TEKT5: variants seen among roughly 807,000 people sequenced by gnomAD.
TEKT5 encodes tektin 5, also known as tektin-5.
TEKT5 carries 52 observed loss-of-function variants against 48.7 expected under a neutral mutation model. The observed-to-expected ratio is 1.07, with a 90% CI of 0.86 to 1.35. The LOEUF is 1.35. Among genes scored for constraint, TEKT5 ranks in the 40% most tolerant of loss-of-function variants. The pLI is 0.00. For missense variants in TEKT5, 831 were observed against 641.6 expected (o/e 1.30, Z -3.19); for synonymous variants, 318 against 267.6 (o/e 1.19, Z -1.84).
At chr16:10,631,272 A>AAGAG (rs557009066) in intron 6 of TEKT5, among the ~76,000 whole-genome samples, 33 of 128,856 alleles carry the variant, frequency 2.6e-4, no homozygotes, top group African/African-American at 7.9e-4. Flanking sequence ...AAAAAAAAAA[A>AAGAG]AGAGAGAGAG....
At chr16:10,666,499 C>T (rs1898459114) in intron 5 of TEKT5, among the ~76,000 whole-genome samples, 1 of 152,226 alleles carries the variant, frequency 6.6e-6, no homozygotes, top group Non-Finnish European at 1.5e-5. Context: ...CACCCCCTCA[C>T]CAAACTATAG....
chr16:10,635,909 C>G lies in TEKT5; in HGVS notation c.1096G>C (p.Glu366Gln). Residue 366 changes from glutamate to glutamine, a missense_variant, in exon 6 of 7, where the codon GAG (glutamate) becomes CAG (glutamine). Coordinates refer to ENST00000283025, the MANE Select transcript of TEKT5 (RefSeq NM_144674.2). ...LQTQLAKTLQ[E>Q]IFQAENTIML... ...ATGGTGTTCTCGGCCTGGAAGATCT[C>G]CTGCAGCGTCTGCGAGGGAACACAC... 6.2e-7 allele frequency: 1 copy of G among 1,613,892 alleles called. No homozygotes were observed.
chr16:10,668,367 A>G (rs1898494335), intron 5 of TEKT5, among the ~76,000 whole-genome samples: 1 of 152,172 alleles, frequency 6.6e-6, no homozygotes, highest in African/African-American at 2.4e-5. Context: ...CCTGGGATGC[A>G]GTGGTGTCTC....
At chr16:10,668,882 G>C (rs1007654604) in intron 5 of TEKT5, among the ~76,000 whole-genome samples, 2 of 152,116 alleles carry the variant, frequency 1.3e-5, no homozygotes. Context: ...TGAGGGAAGC[G>C]TGCTGTAATA....
intron 5 of TEKT5, among the ~76,000 whole-genome samples, chr16:10,648,994 G>C (rs1028208386): frequency 7.9e-5 from 12 of 152,272 alleles, no homozygotes; most frequent in African/African-American, 2.6e-4. Context: ...CTGTTGCCCA[G>C]GCTGGAGTGC....
At chr16:10,666,836 G>A (rs922871955) in intron 5 of TEKT5, among the ~76,000 whole-genome samples, 2 of 152,130 alleles carry the variant, frequency 1.3e-5, no homozygotes, top group Non-Finnish European at 2.9e-5. Context: ...TACTGATGCG[G>A]GTGTGTTTTC....
intron 6 of TEKT5, among the ~76,000 whole-genome samples, chr16:10,630,508 G>A (rs923302219): frequency 1.3e-5 from 2 of 152,198 alleles, no homozygotes; most frequent in Non-Finnish European, 2.9e-5. Context: ...CCCAGGAGAG[G>A]ACTTTGAGCA....
chr16:10,657,381 G>A (rs912819551), intron 5 of TEKT5, among the ~76,000 whole-genome samples: 1 of 151,972 alleles, frequency 6.6e-6, no homozygotes, highest in Admixed American at 6.6e-5. Flanking sequence ...ACCCGCCTTG[G>A]CCTTCCAAAG....
At chr16:10,690,264 G>T in intron 1 of TEKT5, 1 of 518,692 alleles carries the variant, frequency 1.9e-6, no homozygotes, top group Non-Finnish European at 3.4e-6. Flanking sequence ...AGAGAAAACA[G>T]GATAAAGTAG....
chr16:10,683,932 G>A (rs116394644), intron 3 of TEKT5, among the ~76,000 whole-genome samples: 1 of 152,162 alleles, frequency 6.6e-6, no homozygotes, highest in Non-Finnish European at 1.5e-5. Flanking sequence ...TATGATAAAA[G>A]GAAAATTTAC....
In TEKT5 at chr16:10,645,196, G is replaced by A. The variant is rs563476755; in HGVS notation, c.1087-9278C>T. Among the ~76,000 whole-genome samples the A allele has an allele frequency of 2.0e-4, 31 of 152,308 alleles. No homozygotes were observed. The South Asian group carries it at 6.2e-3, about 31-fold the overall frequency. ...AGGCAAGCCCCCCCAGTTATTGCAT[G>A]AGACATACTGATGTTAAAACATGAT... On this transcript the variant is annotated intron_variant, in intron 5 of 6. Coordinates refer to ENST00000283025, the MANE Select transcript of TEKT5 (RefSeq NM_144674.2).
At chr16:10,668,947 G>C (rs1898507304) in intron 5 of TEKT5, among the ~76,000 whole-genome samples, 1 of 152,204 alleles carries the variant, frequency 6.6e-6, no homozygotes, top group Non-Finnish European at 1.5e-5. Flanking sequence ...AGAGGCAGCA[G>C]CCACTCAACC....
rs202032000 is a variant in TEKT5 at position 10,694,382 on chromosome 16, A to T, written c.492T>A (p.Thr164=). Residue 164 remains threonine, a synonymous_variant, in exon 1 of 7, where the codon ACT becomes ACA. Coordinates refer to ENST00000283025, the MANE Select transcript of TEKT5 (RefSeq NM_144674.2). The stretch of plus-strand genomic sequence containing the variant: ...TGACCGTCTCCAAGTTCTGGTTCTC[A>T]GTCAGAAGCCTGTCCAGCTCATAGC... ...ELSYELDRLL[T]ENQNLETVKR... is the part of the protein sequence containing the mutation. 10 of 1,613,900 alleles carry T rather than the reference A, an allele frequency of 6.2e-6. No individual in the cohort carries two copies. In the East Asian group the frequency reaches 2.0e-4, roughly 32 times the overall value.
chr16:10,677,760 G>T (rs913890758), intron 4 of TEKT5, among the ~76,000 whole-genome samples: 1 of 152,218 alleles, frequency 6.6e-6, no homozygotes, highest in Non-Finnish European at 1.5e-5. Flanking sequence ...AGCAGGAGAA[G>T]AAATCGCAGC....
intron 3 of TEKT5, among the ~76,000 whole-genome samples, chr16:10,688,238 G>C (rs373478330): frequency 6.6e-6 from 1 of 152,198 alleles, no homozygotes; most frequent in Admixed American, 6.5e-5. Flanking sequence ...CCTCCACCCC[G>C]ATGTCTTTCT....
chr16:10,636,079 C>G (rs1567224340), intron 5 of TEKT5, among the ~76,000 whole-genome samples, 161 bp from the exon 6 acceptor site: 1 of 151,740 alleles, frequency 6.6e-6, no homozygotes, highest in Non-Finnish European at 1.5e-5. Context: ...CTCACCCTTC[C>G]TAAGAAACCT....
chr16:10,684,662 G>A (rs1898826073), intron 3 of TEKT5, among the ~76,000 whole-genome samples: 1 of 152,090 alleles, frequency 6.6e-6, no homozygotes, highest in Admixed American at 6.5e-5. Flanking sequence ...TAGAGAATTA[G>A]AGGGAAACCT....
intron 3 of TEKT5, among the ~76,000 whole-genome samples, chr16:10,687,523 T>C (rs1184276144): frequency 1.3e-5 from 2 of 152,206 alleles, no homozygotes; most frequent in Admixed American, 6.5e-5. Context: ...GAGCCTGAGG[T>C]GGGCAGATCA....
chr16:10,644,213 G>A (rs763396055), intron 5 of TEKT5, among the ~76,000 whole-genome samples: 8 of 151,978 alleles, frequency 5.3e-5, no homozygotes, highest in African/African-American at 4.8e-5. Flanking sequence ...CATCTTTTAC[G>A]TCATTTGATA....
Sources: gnomAD v4.1 joint callset for allele counts (sites outside exome capture counted in the v4.1 genomes callset) on GRCh38, gnomAD v4.1.1 for gene constraint, MANE v1.5 for transcripts, NCBI Gene and HGNC (gene_info 2026-07-23, HGNC 2026-07-21) for gene names.